DOCK1: variants seen among roughly 807,000 people sequenced by gnomAD.
The protein encoded by DOCK1 is dedicator of cytokinesis protein 1.
A neutral mutation model predicts 262.7 loss-of-function variants in DOCK1; 138 were observed. That is an observed-to-expected ratio of 0.53 (90% CI 0.46 to 0.61). The LOEUF (loss-of-function observed/expected upper bound fraction) is 0.61, where lower values mean the gene tolerates loss of function less well. DOCK1 is among the 20% of genes least tolerant of loss of function. DOCK1 has a pLI of 0.00. For synonymous variants in DOCK1, 866 were observed against 867.4 expected (o/e 1.00, Z 0.03); for missense variants, 1,908 against 2,370.7 (o/e 0.80, Z 4.05).
At chr10:127,153,881 T>C in intron 27 of DOCK1, 1 of 1,613,942 alleles carries the variant, frequency 6.2e-7, no homozygotes, top group Non-Finnish European at 8.5e-7. Context: ...TGTTCCTGCA[T>C]GTGTCACAAT....
chr10:127,282,249 T>G (rs985054623), intron 29 of DOCK1, among the ~76,000 whole-genome samples: 1 of 140,986 alleles, frequency 7.1e-6, no homozygotes, highest in Admixed American at 6.8e-5. Flanking sequence ...CTGTCTCTTT[T>G]CTCTCTCTCT....
At chr10:127,358,996 C>T (rs72840202) in intron 32 of DOCK1, among the ~76,000 whole-genome samples, 3,177 of 152,228 alleles carry the variant, frequency 0.021, 46 homozygotes, top group Middle Eastern at 0.031. Context: ...ATATTCTCCT[C>T]GTCACCTTCC....
intron 16 of DOCK1, among the ~76,000 whole-genome samples, chr10:127,028,542 C>G (rs1591731291): frequency 1.3e-5 from 2 of 152,222 alleles, no homozygotes; most frequent in South Asian, 2.1e-4. Context: ...AGTGGAAGAG[C>G]TTTGGTTCTA....
chr10:126,919,017 G>A (rs1431407226), intron 1 of DOCK1, among the ~76,000 whole-genome samples: 1 of 112,226 alleles, frequency 8.9e-6, no homozygotes, highest in Non-Finnish European at 2.0e-5. Flanking sequence ...CAAGCTTCTT[G>A]GCTGTCTAAA....
intron 5 of DOCK1, among the ~76,000 whole-genome samples, chr10:126,989,996 A>G (rs2039679868): frequency 6.6e-6 from 1 of 152,160 alleles, no homozygotes; most frequent in Non-Finnish European, 1.5e-5. Context: ...CGAGGAGTTC[A>G]GGTTCTCAGT....
intron 22 of DOCK1, among the ~76,000 whole-genome samples, chr10:127,053,839 T>C (rs2044932979): frequency 6.6e-6 from 1 of 152,134 alleles, no homozygotes; most frequent in South Asian, 2.1e-4. Flanking sequence ...GAAAAGTAAG[T>C]GTGTTGAGGG....
chr10:127,422,777 G>A (rs774249236), intron 46 of DOCK1, among the ~76,000 whole-genome samples: 6 of 151,976 alleles, frequency 3.9e-5, no homozygotes, highest in Non-Finnish European at 8.8e-5. Flanking sequence ...TTTACTAAAG[G>A]GTACGAAATT....
intron 23 of DOCK1, among the ~76,000 whole-genome samples, chr10:127,071,259 T>G (rs1017599882): frequency 1.8e-4 from 28 of 152,250 alleles, no homozygotes; most frequent in African/African-American, 5.8e-4. Flanking sequence ...CCAGTCTTCT[T>G]GGTTGCTTCC....
At chr10:126,917,575 C>T (rs987479262) in intron 1 of DOCK1, among the ~76,000 whole-genome samples, 1 of 152,200 alleles carries the variant, frequency 6.6e-6, no homozygotes, top group African/African-American at 2.4e-5. Flanking sequence ...CTCAGCTTCA[C>T]AGGGTCTGTG....
intron 25 of DOCK1, among the ~76,000 whole-genome samples, chr10:127,124,761 G>C (rs1011647819): frequency 6.6e-6 from 1 of 152,108 alleles, no homozygotes; most frequent in Non-Finnish European, 1.5e-5. Flanking sequence ...TTCCAAGATT[G>C]GCATCTTCTA....
chr10:127,092,396 G>A (rs576145407), intron 23 of DOCK1, among the ~76,000 whole-genome samples: 2 of 152,280 alleles, frequency 1.3e-5, no homozygotes, highest in African/African-American at 4.8e-5. Context: ...GGCACTGGCC[G>A]CCCTCTGTGC....
In DOCK1 at chr10:127,044,407, C is replaced by T. The variant is rs182290659; in HGVS notation, c.2201+1243C>T. On this transcript the variant is annotated intron_variant, in intron 21 of 51. Coordinates refer to ENST00000623213, the MANE Select transcript of DOCK1 (RefSeq NM_001290223.2). ...GGAACAAGCTGTGACTAGTTCTTTG[C>T]ACTTGCTTGCTAATAAACGTTTGTT... Among the ~76,000 whole-genome samples the T allele has an allele frequency of 3.2e-4, 48 of 152,280 alleles. No individual in the cohort carries two copies. In the East Asian group the frequency reaches 3.9e-3, roughly 12 times the overall value.
At chr10:127,361,338 T>C (rs1166425000) in intron 32 of DOCK1, among the ~76,000 whole-genome samples, 3 of 152,160 alleles carry the variant, frequency 2.0e-5, no homozygotes, top group East Asian at 1.9e-4. Context: ...ATGGTCTCGA[T>C]CTCCTGACCT....
chr10:127,091,929 G>A (rs1295778577), intron 23 of DOCK1, among the ~76,000 whole-genome samples: 1 of 152,142 alleles, frequency 6.6e-6, no homozygotes, highest in Non-Finnish European at 1.5e-5. Context: ...GTTGGTACCG[G>A]GGAACCTGAG....
intron 29 of DOCK1, among the ~76,000 whole-genome samples, chr10:127,281,527 G>T (rs1394841630): frequency 6.6e-6 from 1 of 152,198 alleles, no homozygotes; most frequent in African/African-American, 2.4e-5. Context: ...CAAGGAATCT[G>T]TTGTCCCTGG....
chr10:127,126,787 G>T (rs2133091677), intron 26 of DOCK1, among the ~76,000 whole-genome samples: 1 of 152,216 alleles, frequency 6.6e-6, no homozygotes, highest in African/African-American at 2.4e-5. Context: ...GCTTGTCCCT[G>T]GCCGTTTCCT....
chr10:126,986,248 G>C (rs1027026825), intron 4 of DOCK1, among the ~76,000 whole-genome samples: 1 of 152,082 alleles, frequency 6.6e-6, no homozygotes, highest in Non-Finnish European at 1.5e-5. Flanking sequence ...GTTCTTCCAG[G>C]GTCCCCGTTG....
At chr10:127,266,262 T>C (rs1217968191) in intron 29 of DOCK1, among the ~76,000 whole-genome samples, 2 of 152,218 alleles carry the variant, frequency 1.3e-5, no homozygotes, top group Admixed American at 6.5e-5. Flanking sequence ...AACTCTTGGA[T>C]TATTACTTCT....
intron 23 of DOCK1, among the ~76,000 whole-genome samples, chr10:127,098,437 C>T (rs762587423): frequency 5.3e-5 from 8 of 152,136 alleles, no homozygotes; most frequent in Non-Finnish European, 1.2e-4. Flanking sequence ...GCTGTCCTGC[C>T]GCCACTGCTG....
Sources: gnomAD v4.1 joint callset for allele counts (sites outside exome capture counted in the v4.1 genomes callset) on GRCh38, gnomAD v4.1.1 for gene constraint, MANE v1.5 for transcripts, NCBI Gene and HGNC (gene_info 2026-07-23, HGNC 2026-07-21) for gene names.